ALDH1L2: variants seen among roughly 807,000 people sequenced by gnomAD.
ALDH1L2 encodes the protein aldehyde dehydrogenase 1 family member L2.
Under a neutral mutation model 111.0 loss-of-function variants are expected in ALDH1L2, and 91 were observed. The ratio of observed to expected loss-of-function variants is 0.82; its 90% confidence interval spans 0.69 to 0.98. The LOEUF (loss-of-function observed/expected upper bound fraction) is 0.98, where lower values mean the gene tolerates loss of function less well. Ranked by LOEUF, ALDH1L2 falls within the 50% of genes least tolerant of loss-of-function variation. The pLI, the probability that ALDH1L2 is intolerant of heterozygous loss-of-function variation, is 0.00. For missense variants in ALDH1L2, 995 were observed against 1,126.8 expected (o/e 0.88, Z 1.67); for synonymous variants, 374 against 392.6 (o/e 0.95, Z 0.56).
chr12:105,060,857 A>G, intron 9 of ALDH1L2, 124 bp downstream of exon 9: 3 of 590,032 alleles, frequency 5.1e-6, no homozygotes, highest in East Asian at 3.2e-5. Context: ...AAGATGAGTC[A>G]TAGATAGGTA....
chr12:105,079,140 G>A (rs1335545157), intron 1 of ALDH1L2, among the ~76,000 whole-genome samples: 2 of 152,166 alleles, frequency 1.3e-5, no homozygotes, highest in East Asian at 3.9e-4. Context: ...CTCTTGTGTT[G>A]AGAATGGAGC....
At chr12:105,066,743 G>T in intron 4 of ALDH1L2, 74 bp from the exon 5 acceptor site, 3 of 1,280,386 alleles carry the variant, frequency 2.3e-6, no homozygotes, top group Non-Finnish European at 3.4e-6. Context: ...TAAAGTTTCT[G>T]CATAACAGAA....
At chr12:105,060,646 G>A in intron 9 of ALDH1L2, 1 of 184,444 alleles carries the variant, frequency 5.4e-6, no homozygotes, top group Non-Finnish European at 1.1e-5. Flanking sequence ...CCAACATGGA[G>A]AAACCCCATC....
intron 15 of ALDH1L2, 99 bp from the exon 16 acceptor site, chr12:105,040,793 AT>A: frequency 1.1e-6 from 1 of 950,876 alleles, no homozygotes; most frequent in East Asian, 2.4e-5. Context: ...ATCTCATTTT[AT>A]TTTTATTGTA....
At chr12:105,030,564 A>G (rs1464885430) in intron 20 of ALDH1L2, 135 bp from the exon 21 acceptor site, 2 of 601,002 alleles carry the variant, frequency 3.3e-6, no homozygotes, top group African/African-American at 3.7e-5. Flanking sequence ...GCATTTCTCT[A>G]TTTGGTGTTG....
Position 105,049,920 on chromosome 12 carries a change from G to A in ALDH1L2, c.1674C>T (p.Cys558=), listed in dbSNP as rs535895849. 2.4e-4 allele frequency: 385 copies of A among 1,609,228 alleles called. 2 individuals carry two copies. The South Asian group carries it at 4.0e-3, about 17-fold the overall frequency. The change falls in exon 13 of 23, where the codon TGC becomes TGT. Residue 558 remains cysteine (C), a synonymous_variant. Transcript: ENST00000258494. ...VQTFRYFAGW[C]DKIQGSTIPI... The stretch of plus-strand genomic sequence containing the variant: ...TATTTGTGCTTACCTGAATTTTGTC[G>A]CACCAGCCAGCAAAATATCTGAATG...
chr12:105,044,796 A>T (rs1481930244), intron 15 of ALDH1L2, among the ~76,000 whole-genome samples: 1 of 151,998 alleles, frequency 6.6e-6, no homozygotes, highest in Non-Finnish European at 1.5e-5. Context: ...TTATACAGCA[A>T]AAGGAGAAAA....
chr12:105,064,184 T>C (rs900649210), intron 6 of ALDH1L2, among the ~76,000 whole-genome samples: 3 of 130,104 alleles, frequency 2.3e-5, no homozygotes, highest in East Asian at 4.9e-4. Context: ...GGTTTTGCCA[T>C]GTTGGCCAGG....
In ALDH1L2 at chr12:105,046,211, ATATATATATATTTTT is replaced by A. The variant is rs1875877404; in HGVS notation, c.1863+484_1863+498del. The stretch of plus-strand genomic sequence containing the variant: ...TCTCTCTCTATATATATATATATAT[ATATATATATATTTTT>A]TTTTTTTTTTTTTTTTTTTTTTTTT... On this transcript the variant is annotated intron_variant, in intron 15 of 22. Transcript: ENST00000258494. Among the ~76,000 whole-genome samples the A allele has an allele frequency of 5.1e-4, 26 of 50,844 alleles. 2 individuals are homozygous for A. The highest frequency in any genetic ancestry group is 2.8e-3 in the East Asian group (5 of 1,774). 33.4% of individuals were successfully genotyped at this position (50,844 alleles called of 152,430 possible).
intron 8 of ALDH1L2, 83 bp from the exon 9 acceptor site, chr12:105,061,155 T>G: frequency 1.7e-6 from 2 of 1,150,330 alleles, no homozygotes; most frequent in Non-Finnish European, 2.6e-6. Context: ...ACCAAACCAA[T>G]TCCCTCTTCA....
chr12:105,041,275 A>T (rs1376865399), intron 15 of ALDH1L2, among the ~76,000 whole-genome samples: 1 of 152,158 alleles, frequency 6.6e-6, no homozygotes, highest in Non-Finnish European at 1.5e-5. Context: ...ATTTCATTAC[A>T]CTGACATTTT....
chr12:105,039,745 T>G lies in ALDH1L2; in HGVS notation c.2013A>C (p.Gly671=), dbSNP rs4964317. The G allele has an allele frequency of 2.0e-5, 33 of 1,613,582 alleles. No homozygotes were observed. The Admixed American group carries it at 5.5e-4, about 27-fold the overall frequency. Residue 671 remains glycine, a synonymous_variant, in exon 17 of 23, where the codon GGA becomes GGC. Coordinates refer to ENST00000258494, the MANE Select transcript of ALDH1L2 (RefSeq NM_001034173.4). ...HPDIRKLGFT[G]STPIGKQIMK... ...TGATCTGTTTGCCAATAGGAGTGGA[T>G]CCAGTGAAACCAAGTTTGCGGATGT... is the stretch of plus-strand genomic sequence containing the variant.
At chr12:105,074,174 T>G in intron 1 of ALDH1L2, 169 bp from the exon 2 acceptor site, 1 of 826,668 alleles carries the variant, frequency 1.2e-6, no homozygotes, top group Non-Finnish European at 1.8e-6. Context: ...AAACCTACCC[T>G]TGGCCGGGCA....
intron 5 of ALDH1L2, 63 bp from the exon 6 acceptor site, chr12:105,065,419 C>T (rs1467025901): frequency 3.6e-5 from 49 of 1,374,020 alleles, no homozygotes; most frequent in East Asian, 4.7e-5. Flanking sequence ...GCAATAAAAA[C>T]GCTTCTCGTC....
At chr12:105,033,575 G>T (rs1404363389) in intron 19 of ALDH1L2, among the ~76,000 whole-genome samples, 1 of 152,116 alleles carries the variant, frequency 6.6e-6, no homozygotes, top group Non-Finnish European at 1.5e-5. Flanking sequence ...ATAGCTGGAT[G>T]CTGGTTTTGC....
rs1874317538 is a variant in ALDH1L2, at chr12:105,024,483, G to A, written c.2717-4C>T. ...TATTCATTTAGAGCTTCCTCACCTA[G>A]GGAAGAGAAAAGCAGTTGACAGACC... On this transcript the variant is annotated splice_polypyrimidine_tract_variant and splice_region_variant and intron_variant, in intron 22 of 22. Transcript: ENST00000258494. The A allele has an allele frequency of 1.9e-6, 3 of 1,613,724 alleles. No homozygotes were observed. In the African/African-American group the frequency reaches 4.0e-5, roughly 22 times the overall value.
chr12:105,083,472 G>A (rs557910824), intron 1 of ALDH1L2, among the ~76,000 whole-genome samples: 2 of 152,300 alleles, frequency 1.3e-5, no homozygotes, highest in African/African-American at 4.8e-5. Context: ...AGTTTTTGGT[G>A]CTACTCAAGA....
chr12:105,024,322 G>A lies in ALDH1L2; in HGVS notation c.*102C>T, dbSNP rs1370998280. On this transcript the variant is annotated 3_prime_UTR_variant, in exon 23 of 23. Coordinates refer to ENST00000258494, the MANE Select transcript of ALDH1L2 (RefSeq NM_001034173.4). ...TCATGGTCCATCTGTGTATTTTTTG[G>A]TTTGTGGCTGACACCTCCTGCCTCA... 7.2e-7 allele frequency: 1 copy of A among 1,387,474 alleles called. No homozygotes were observed. Among genetic ancestry groups the A allele is most frequent in the Non-Finnish European group, 1.0e-6 (1 of 985,170 alleles). 85.9% of individuals were successfully genotyped at this position (1,387,474 alleles called of 1,614,324 possible).
At chr12:105,070,907 A>G in intron 2 of ALDH1L2, 103 bp from the exon 3 acceptor site, 1 of 997,326 alleles carries the variant, frequency 1.0e-6, no homozygotes, top group Non-Finnish European at 1.5e-6. Flanking sequence ...ATATTTACAA[A>G]TAAAACATGG....
Sources: allele counts gnomAD v4.1 joint callset (sites outside exome capture counted in the v4.1 genomes callset), GRCh38; gene constraint gnomAD v4.1.1; transcripts MANE v1.5; gene names NCBI Gene and HGNC (gene_info 2026-07-23, HGNC 2026-07-21).